The following MGP variants were observed in gnomAD, a reference collection of about 807,000 sequenced individuals.
MGP encodes cell growth-inhibiting gene 36 protein.
A neutral mutation model predicts 14.5 loss-of-function variants in MGP; 13 were observed. The observed-to-expected ratio is 0.89, with a 90% CI of 0.58 to 1.42. The LOEUF (loss-of-function observed/expected upper bound fraction) is 1.42. Among genes scored for constraint, MGP ranks in the 40% most tolerant of loss-of-function variants. MGP has a pLI of 0.00. For synonymous variants in MGP, 44 were observed against 46.3 expected, an observed-to-expected ratio of 0.95 and a Z score of 0.20; for missense variants, 128 against 133.7, an observed-to-expected ratio of 0.96 and a Z score of 0.21.
chr12:14,884,151 A>T, intron 2 of MGP, 62 bp downstream of exon 2: 1 of 1,293,660 alleles, frequency 7.7e-7, no homozygotes, highest in Non-Finnish European at 1.1e-6. Flanking sequence ...TTGTTTATTT[A>T]AAAATAAGAA....
At chr12:14,883,240 A>G (rs998811656) in intron 2 of MGP, 193 bp from the exon 3 acceptor site, 5 of 573,536 alleles carry the variant, frequency 8.7e-6, no homozygotes, top group South Asian at 1.9e-5. Context: ...TCAGTAATCA[A>G]TCCATGTGTC....
intron 1 of MGP, chr12:14,884,918 A>T (rs1244737497): frequency 2.6e-6 from 4 of 1,515,936 alleles, no homozygotes; most frequent in Non-Finnish European, 3.5e-6. Context: ...TTGGAATAAG[A>T]AGCTTCTATT....
At chr12:14,884,090 A>T (rs986778631) in intron 2 of MGP, 123 bp downstream of exon 2, 5 of 788,710 alleles carry the variant, frequency 6.3e-6, no homozygotes, top group Admixed American at 3.2e-5. Context: ...AATTTACTTT[A>T]GTTTTCCAAA....
intron 1 of MGP, among the ~76,000 whole-genome samples, chr12:14,885,325 A>G (rs1863426847): frequency 6.6e-6 from 1 of 152,236 alleles, no homozygotes; most frequent in African/African-American, 2.4e-5. Context: ...AGAAAGGGCT[A>G]TACTTAATAC....
chr12:14,884,985 A>G, intron 1 of MGP: 1 of 1,017,678 alleles, frequency 9.8e-7, no homozygotes, highest in Non-Finnish European at 1.4e-6. Context: ...GAAGAAATCA[A>G]ATCCTCTAAT....
At chr12:14,882,704 G>T (rs1487035978) in intron 3 of MGP, among the ~76,000 whole-genome samples, 1 of 134,768 alleles carries the variant, frequency 7.4e-6, no homozygotes. Context: ...AGGGAAGGCA[G>T]AACAGGAGAT....
intron 1 of MGP, among the ~76,000 whole-genome samples, chr12:14,884,649 A>G (rs1410598450): frequency 6.6e-6 from 1 of 152,216 alleles, no homozygotes; most frequent in Non-Finnish European, 1.5e-5. Flanking sequence ...AAGAGGATTA[A>G]GAAGGATCCA....
chr12:14,882,162 T>C lies in MGP; in HGVS notation c.289A>G (p.Arg97Gly). The C allele has an allele frequency of 6.2e-7, 1 of 1,614,086 alleles. No homozygotes were observed. Among genetic ancestry groups the C allele is most frequent in the Non-Finnish European group, 8.5e-7 (1 of 1,179,974 alleles). ...TCTCATTTGGTCCCTCGGCGCTTCC[T>C]GAAGTAGCGATTATAGGCAGCATTG... ...GYNAAYNRYF[R>G]KRRGTK Residue 97 changes from arginine (R) to glycine (G), a missense_variant, in exon 4 of 4, where the codon AGG becomes GGG. Arg to Gly is a moderately radical substitution (Grantham distance 125). Transcript: ENST00000539261.
At chr12:14,884,656 T>A (rs192717569) in intron 1 of MGP, among the ~76,000 whole-genome samples, 2 of 152,284 alleles carry the variant, frequency 1.3e-5, no homozygotes, top group African/African-American at 2.4e-5. Flanking sequence ...TTAAGAAGGA[T>A]CCAGAAGACA....
intron 2 of MGP, chr12:14,883,398 G>A (rs1363205735): frequency 3.0e-5 from 10 of 334,100 alleles, no homozygotes; most frequent in Non-Finnish European, 5.8e-5. Context: ...TAACTAGATT[G>A]CCGATACATG....
intron 3 of MGP, among the ~76,000 whole-genome samples, chr12:14,882,645 A>G (rs1298877019): frequency 2.0e-5 from 3 of 151,344 alleles, no homozygotes; most frequent in African/African-American, 7.3e-5. Flanking sequence ...CAACAGAGTG[A>G]GACTCTGTCT....
In MGP at chr12:14,885,749, C is replaced by T; in HGVS notation, c.43G>A (p.Val15Ile). ...ILLAILAALA[V>I]VTLCYESHES... Reference sequence around the variant, plus strand: ...TTCTCACCATAACACAAAGTTACTACCGCTAAGGCGGCCAGGATGGCAAGA... The same window carrying T: ...TTCTCACCATAACACAAAGTTACTATCGCTAAGGCGGCCAGGATGGCAAGA... The change falls in exon 1 of 4, where the codon GTA becomes ATA. Residue 15 changes from valine to isoleucine, a missense_variant. By Grantham distance (29) the Val-to-Ile change is conservative (BLOSUM62 3). Coordinates refer to ENST00000539261, the MANE Select transcript of MGP (RefSeq NM_000900.5). 1 of 1,613,770 alleles carries T rather than the reference C, an allele frequency of 6.2e-7. No individual in the cohort carries two copies. Among genetic ancestry groups the T allele is most frequent in the East Asian group, 2.2e-5 (1 of 44,864 alleles).
rs375457198 is a variant in MGP, at chr12:14,882,296, A to G, written c.171-16T>C. ...TTCTCGGATCCTAGAAAGTGGAAGA[A>G]GAGGCCAAAATTGAGAAGGATAAAG... On this transcript the variant is annotated splice_polypyrimidine_tract_variant and intron_variant, in intron 3 of 3. Transcript: ENST00000539261. 6.2e-7 allele frequency: 1 copy of G among 1,614,068 alleles called. No homozygotes were observed. Among genetic ancestry groups the G allele is most frequent in the South Asian group, 1.1e-5 (1 of 91,086 alleles).
rs1863384967 is a variant in MGP, at chr12:14,882,220, T to C, written c.231A>G (p.Arg77=). Reference sequence around the variant, plus strand: ...AAACCATGGCGTAGCGTTCGCAAAGTCTGTAGTCATCACAGGCTTCCCTAT... The same window carrying C: ...AAACCATGGCGTAGCGTTCGCAAAGCCTGTAGTCATCACAGGCTTCCCTAT... ...ELNREACDDY[R]LCERYAMVYG... is the part of the protein sequence containing the mutation. Residue 77 remains arginine (R), a synonymous_variant, in exon 4 of 4, where the codon AGA becomes AGG. Coordinates refer to ENST00000539261, the MANE Select transcript of MGP (RefSeq NM_000900.5). 5 of 1,613,936 alleles carry C rather than the reference T, an allele frequency of 3.1e-6. No homozygotes were observed. The highest frequency in any genetic ancestry group is 4.2e-6 in the Non-Finnish European group (5 of 1,179,968).
Position 14,882,197 on chromosome 12 carries a change from A to G in MGP, c.254T>C (p.Val85Ala), listed in dbSNP as rs764552478. 2 of 1,613,946 alleles carry G rather than the reference A, an allele frequency of 1.2e-6. No individual in the cohort carries two copies. The highest frequency in any genetic ancestry group is 2.7e-5 in the African/African-American group (2 of 74,894). Residue 85 changes from valine (V) to alanine (A), a missense_variant, in exon 4 of 4, where the codon GTT becomes GCT. Physicochemically the swap from Val to Ala is moderately conservative, Grantham distance 64. Coordinates refer to ENST00000539261, the MANE Select transcript of MGP (RefSeq NM_000900.5). ...DYRLCERYAM[V>A]YGYNAAYNRY... ...ATTATAGGCAGCATTGTATCCATAAACCATGGCGTAGCGTTCGCAAAGTCT... is the reference window on the plus strand; with the variant it reads ...ATTATAGGCAGCATTGTATCCATAAGCCATGGCGTAGCGTTCGCAAAGTCT...
At chr12:14,883,101 T>G in intron 2 of MGP, 54 bp from the exon 3 acceptor site, 1 of 1,323,698 alleles carries the variant, frequency 7.6e-7, no homozygotes. Flanking sequence ...CTGGAAATAT[T>G]TCCGTGAATA....
rs886049105 is a variant in MGP, at chr12:14,881,888, A to G, written c.*251T>C. Reference sequence around the variant, plus strand: ...CTTCCCAAAAGAAAGCAGATTTACAAGATGAAAGTATCACACCAGAAGTTT... The same window carrying G: ...CTTCCCAAAAGAAAGCAGATTTACAGGATGAAAGTATCACACCAGAAGTTT... On this transcript the variant is annotated 3_prime_UTR_variant, in exon 4 of 4. Transcript: ENST00000539261. The G allele has an allele frequency of 1.8e-5, 9 of 502,092 alleles. No homozygotes were observed. Among genetic ancestry groups the G allele is most frequent in the Non-Finnish European group, 2.9e-5 (8 of 277,804 alleles). The allele number at this position is 502,092 out of a possible 1,614,324, so 31.1% of individuals were successfully genotyped here.
At chr12:14,883,355 G>A (rs1478149423) in intron 2 of MGP, 1 of 373,090 alleles carries the variant, frequency 2.7e-6, no homozygotes, top group East Asian at 6.4e-5. Flanking sequence ...TCCTTTTGAG[G>A]AGAAATTCTC....
At position 14,881,347 on chromosome 12, in the gene MGP, T is replaced by C. The variant is rs1863369348; in HGVS notation, c.*792A>G. 1 of 152,142 alleles carries C rather than the reference T, an allele frequency of 6.6e-6. No homozygotes were observed. The highest frequency in any genetic ancestry group is 1.5e-5 in the Non-Finnish European group (1 of 68,032). The allele number at this position is 152,142 out of a possible 1,614,324, so 9.4% of individuals were successfully genotyped here. ...TAAACTTTAAAAGAAATTATTAAAATTATTTAAAGCAAGAATAGTAAAAAT... is the reference window on the plus strand; with the variant it reads ...TAAACTTTAAAAGAAATTATTAAAACTATTTAAAGCAAGAATAGTAAAAAT... On this transcript the variant is annotated 3_prime_UTR_variant, in exon 4 of 4. Transcript: ENST00000539261.
Sources: gnomAD v4.1 joint callset for allele counts (sites outside exome capture counted in the v4.1 genomes callset) on GRCh38, gnomAD v4.1.1 for gene constraint, MANE v1.5 for transcripts, NCBI Gene and HGNC (gene_info 2026-07-23, HGNC 2026-07-21) for gene names.